Variants in KCNQ1 observed in about 807,000 individuals in gnomAD.
KCNQ1 encodes potassium voltage-gated channel subfamily KQT member 1.
Under a neutral mutation model 72.4 loss-of-function variants are expected in KCNQ1, and 49 were observed. The ratio of observed to expected loss-of-function variants is 0.68; its 90% confidence interval spans 0.54 to 0.86. The LOEUF is 0.86. Ranked by LOEUF, KCNQ1 falls within the 40% of genes least tolerant of loss-of-function variation. The pLI is 0.00. For missense variants in KCNQ1, 790 were observed against 945.1 expected, an observed-to-expected ratio of 0.84 and a Z score of 2.15; for synonymous variants, 450 against 412.6, an observed-to-expected ratio of 1.09 and a Z score of -1.10.
intron 8 of KCNQ1, 58 bp from the exon 9 acceptor site, chr11:2,587,512 T>A: frequency 1.2e-6 from 2 of 1,610,000 alleles, no homozygotes; most frequent in Non-Finnish European, 1.7e-6. Flanking sequence ...GTAGCTTCCA[T>A]AAGGGCCCCC....
rs930321240 is a variant in KCNQ1 at position 2,848,733 on chromosome 11, C to T, written c.*730C>T. 4.8e-5 allele frequency: 22 copies of T among 453,876 alleles called. No homozygotes were observed. The highest frequency in any genetic ancestry group is 1.4e-3 in the Middle Eastern group (2 of 1,444). 28.1% of individuals were successfully genotyped at this position (453,876 alleles called of 1,614,324 possible). ...CCTCTCCGCCCCTGAGCCCACTGTG[C>T]GTGGGGCTCCCGCCTCCAACCCCTC... On this transcript the variant is annotated 3_prime_UTR_variant, in exon 16 of 16. Transcript: ENST00000155840.
At chr11:2,788,312 T>C (rs1485589756) in intron 15 of KCNQ1, among the ~76,000 whole-genome samples, 1 of 152,190 alleles carries the variant, frequency 6.6e-6, no homozygotes, top group African/African-American at 2.4e-5. Context: ...CTGGTTCTTT[T>C]CCGGTTCTCT....
rs909003729 is a variant in KCNQ1, at chr11:2,683,622, C to G, written c.1514+21541C>G. 5.0e-6 allele frequency: 2 copies of G among 398,556 alleles called. No homozygotes were observed. Among genetic ancestry groups the G allele is most frequent in the Non-Finnish European group, 8.8e-6 (2 of 226,082 alleles). The allele number at this position is 398,556 out of a possible 1,614,324, so 24.7% of individuals were successfully genotyped here. On this transcript the variant is annotated intron_variant, in intron 11 of 15. Transcript: ENST00000155840. This position sits in a 1 kb window ranked among gnomAD's most constrained non-coding sequence, Gnocchi z 4.7. ...TCATTTCAAATACTGCTCTAGACAA[C>G]TGGGCCCTGCATCTGCTGCAAGGAA... is the stretch of plus-strand genomic sequence containing the variant.
chr11:2,453,778 G>A (rs150104192), intron 1 of KCNQ1, among the ~76,000 whole-genome samples: 1 of 152,344 alleles, frequency 6.6e-6, no homozygotes, highest in Non-Finnish European at 1.5e-5. Flanking sequence ...GGCAAAGGCA[G>A]GAGAAGCTGC....
chr11:2,760,753 C>A (rs1221640913), intron 11 of KCNQ1, among the ~76,000 whole-genome samples: 1 of 152,230 alleles, frequency 6.6e-6, no homozygotes, highest in East Asian at 1.9e-4. Flanking sequence ...TGCATCAGTG[C>A]TACTGAAATG....
chr11:2,805,244 G>A (rs1432695373), intron 15 of KCNQ1, among the ~76,000 whole-genome samples: 3 of 152,198 alleles, frequency 2.0e-5, no homozygotes, highest in Non-Finnish European at 4.4e-5. Context: ...CTTTCCCCCA[G>A]CTCCAGCCTG....
In KCNQ1 at chr11:2,669,878, T is replaced by C; in HGVS notation, c.1514+7797T>C. The C allele has an allele frequency of 2.5e-6, 1 of 398,622 alleles. No homozygotes were observed. Among genetic ancestry groups the C allele is most frequent in the Non-Finnish European group, 4.4e-6 (1 of 226,074 alleles). The allele number at this position is 398,622 out of a possible 1,614,324, so 24.7% of individuals were successfully genotyped here. ...GTCACAACATATGGCTGTCAGCTGC[T>C]GTCCTTAATAAGATGTGCCTAGAGG... On this transcript the variant is annotated intron_variant, in intron 11 of 15. Transcript: ENST00000155840. This position sits in a 1 kb window ranked among gnomAD's most constrained non-coding sequence, Gnocchi z 5.6.
intron 2 of KCNQ1, among the ~76,000 whole-genome samples, chr11:2,554,742 G>A (rs1848042685): frequency 6.6e-6 from 1 of 152,210 alleles, no homozygotes; most frequent in Admixed American, 6.5e-5. Context: ...CGACAAGTCT[G>A]CTTTTGACTC....
rs965971080 is a variant in KCNQ1 at position 2,471,656 on chromosome 11, G to A, written c.386+26172G>A. Among the ~76,000 whole-genome samples, 4 of 151,830 alleles carry A rather than the reference G, an allele frequency of 2.6e-5. No individual in the cohort carries two copies. Among genetic ancestry groups the A allele is most frequent in the Admixed American group, 6.6e-5 (1 of 15,242 alleles). On this transcript the variant is annotated intron_variant, in intron 1 of 15. Transcript: ENST00000155840. This position sits in a 1 kb window ranked among gnomAD's most constrained non-coding sequence, Gnocchi z 4.8. ...CACGGATGTGTGTACACATGTGTAT[G>A]GGTGTGTGCATGGGTGTGCACATGT...
intron 10 of KCNQ1, chr11:2,634,182 T>TA: frequency 7.5e-6 from 3 of 397,596 alleles, no homozygotes; most frequent in Non-Finnish European, 1.3e-5. Context: ...CCCTTTTTTT[T>TA]ATTATACTTT....
rs1363639968 is a variant in KCNQ1, at chr11:2,711,242, C to T, written c.1514+49161C>T. On this transcript the variant is annotated intron_variant, in intron 11 of 15. Transcript: ENST00000155840. The surrounding 1 kb of genome is among the most constrained non-coding windows in gnomAD (Gnocchi z 5.4). The stretch of plus-strand genomic sequence containing the variant: ...CAGTGACTGGCAGCCATACTTCCTC[C>T]CCATGTACTGGGTTCTGCCCATCCT... 6.6e-6 allele frequency among the ~76,000 whole-genome samples: 1 copy of T among 152,200 alleles called. No individual in the cohort carries two copies. Among genetic ancestry groups the T allele is most frequent in the Non-Finnish European group, 1.5e-5 (1 of 68,044 alleles).
At chr11:2,616,856 T>A (rs1849073777) in intron 10 of KCNQ1, 1 of 398,164 alleles carries the variant, frequency 2.5e-6, no homozygotes, top group Non-Finnish European at 4.4e-6. Flanking sequence ...GAATGTGTAG[T>A]TGGGTGGAGT....
intron 1 of KCNQ1, among the ~76,000 whole-genome samples, chr11:2,506,575 T>G (rs979771587): frequency 6.6e-6 from 1 of 152,244 alleles, no homozygotes; most frequent in Non-Finnish European, 1.5e-5. Context: ...TTCGTAGGTA[T>G]GGATGTTCCT....
chr11:2,573,755 G>C (rs1436031370), intron 6 of KCNQ1, among the ~76,000 whole-genome samples: 1 of 152,242 alleles, frequency 6.6e-6, no homozygotes, highest in Non-Finnish European at 1.5e-5. Flanking sequence ...GAGGCTGTGC[G>C]GGAGGGGTGG....
rs1849000345 is a variant in KCNQ1 at position 2,612,694 on chromosome 11, ATACT to A, written c.1393+23846_1393+23849del. On this transcript the variant is annotated intron_variant, in intron 10 of 15. Coordinates refer to ENST00000155840, the MANE Select transcript of KCNQ1 (RefSeq NM_000218.3). The surrounding 1 kb of genome is among the most constrained non-coding windows in gnomAD (Gnocchi z 5.5). ...TTTTGGTTCTTTGAACATAGTTATA[ATACT>A]TACTTTGAAATCGCGCCCTAACATT... 5 of 398,422 alleles carry A rather than the reference ATACT, an allele frequency of 1.3e-5. No homozygotes were observed. The highest frequency in any genetic ancestry group is 2.2e-5 in the Non-Finnish European group (5 of 226,046). The allele number at this position is 398,422 out of a possible 1,614,324, so 24.7% of individuals were successfully genotyped here. A position where few individuals can be genotyped will look rare whatever the true frequency, so the allele number is the denominator to read the frequency against.
rs1483657249 is a variant in KCNQ1 at position 2,762,810 on chromosome 11, C to A, written c.1515-6034C>A. On this transcript the variant is annotated intron_variant, in intron 11 of 15. Coordinates refer to ENST00000155840, the MANE Select transcript of KCNQ1 (RefSeq NM_000218.3). This position sits in a 1 kb window ranked among gnomAD's most constrained non-coding sequence, Gnocchi z 4.3. ...CATCCTGAAACCATCTCCCCCCACCCCACCCCGTCCACGGAAAAAGTGTCT... is the reference window on the plus strand; with the variant it reads ...CATCCTGAAACCATCTCCCCCCACCACACCCCGTCCACGGAAAAAGTGTCT... 6.6e-6 allele frequency among the ~76,000 whole-genome samples: 1 copy of A among 152,194 alleles called. No individual in the cohort carries two copies. Among genetic ancestry groups the A allele is most frequent in the Non-Finnish European group, 1.5e-5 (1 of 68,040 alleles).
At chr11:2,832,208 G>A (rs465288) in intron 15 of KCNQ1, among the ~76,000 whole-genome samples, 1 of 152,328 alleles carries the variant, frequency 6.6e-6, no homozygotes, top group South Asian at 2.1e-4. Flanking sequence ...CAGGCACAGT[G>A]GGGGTTGCCC....
intron 10 of KCNQ1, chr11:2,643,644 A>C: frequency 2.5e-6 from 1 of 398,512 alleles, no homozygotes; most frequent in Non-Finnish European, 4.4e-6. Context: ...ATCTATTTAT[A>C]TGCAAGGTTA....
chr11:2,629,982 C>G (rs530423705), intron 10 of KCNQ1: 1 of 398,308 alleles, frequency 2.5e-6, no homozygotes, highest in African/African-American at 2.1e-5. Flanking sequence ...GTGAGAATAT[C>G]TTTTTCTTGT....
Sources: allele counts gnomAD v4.1 joint callset (sites outside exome capture counted in the v4.1 genomes callset), GRCh38; gene constraint gnomAD v4.1.1; non-coding constraint Gnocchi (gnomAD v3.1); transcripts MANE v1.5; gene names NCBI Gene and HGNC (gene_info 2026-07-23, HGNC 2026-07-21).